INVS: variants seen among roughly 807,000 people sequenced by gnomAD.
INVS encodes the protein inversin.
In INVS, 86 loss-of-function variants were observed where a neutral mutation model predicts 108.8. That is an observed-to-expected ratio of 0.79 (90% CI 0.66 to 0.95). INVS has a LOEUF of 0.95. INVS is among the 40% of genes least tolerant of loss of function. The probability of loss-of-function intolerance (pLI) is 0.00; values close to 1 mark genes in which losing one functional copy is unlikely to be tolerated. For missense variants in INVS, 1,169 were observed against 1,297.4 expected (o/e 0.90, Z 1.52); for synonymous variants, 455 against 473.5 (o/e 0.96, Z 0.51).
In INVS at chr9:100,136,240, T is replaced by C. The variant is rs1024660580; in HGVS notation, c.273+9691T>C. On this transcript the variant is annotated intron_variant, in intron 3 of 16. Coordinates refer to ENST00000262457, the MANE Select transcript of INVS (RefSeq NM_014425.5). ...GGAGACAGTACGAGTGATTGATTAA[T>C]GGGGTTATTGATCAGGAAAAGTATG... 1.2e-4 allele frequency among the ~76,000 whole-genome samples: 18 copies of C among 152,196 alleles called. 1 individual carries two copies. The highest frequency in any genetic ancestry group is 9.8e-4 in the Admixed American group (15 of 15,274).
intron 2 of INVS, among the ~76,000 whole-genome samples, chr9:100,118,603 G>A (rs1827626067): frequency 1.3e-5 from 2 of 152,052 alleles, no homozygotes; most frequent in Admixed American, 1.3e-4. Context: ...AAAGCTTTGG[G>A]TTTATTTTTG....
chr9:100,156,783 G>C (rs1370953152), intron 3 of INVS, among the ~76,000 whole-genome samples: 1 of 151,288 alleles, frequency 6.6e-6, no homozygotes, highest in African/African-American at 2.4e-5. Flanking sequence ...TCTAATATAT[G>C]CTCTTGTGCT....
chr9:100,225,209 C>T (rs772064383), intron 3 of INVS, among the ~76,000 whole-genome samples: 5 of 151,944 alleles, frequency 3.3e-5, no homozygotes, highest in Admixed American at 2.6e-4. Context: ...AGGCGCCCAC[C>T]ACCACGCCCG....
At chr9:100,129,702 G>A (rs1197373384) in intron 3 of INVS, 3 of 713,232 alleles carry the variant, frequency 4.2e-6, no homozygotes, top group Non-Finnish European at 7.8e-6. Context: ...GCACAGGCAG[G>A]ATCTAAGAGA....
chr9:100,105,850 C>CTTTTTTTTTTTTTTTTTTTT (rs543070811), intron 2 of INVS, among the ~76,000 whole-genome samples: 6 of 63,800 alleles, frequency 9.4e-5, no homozygotes, highest in East Asian at 7.5e-4. Flanking sequence ...GAAAAATTCC[C>CTTTTTTTTTTTTTTTTTTTT]TTTTTTTTTT....
intron 3 of INVS, among the ~76,000 whole-genome samples, chr9:100,137,537 A>G (rs1475672088): frequency 6.8e-6 from 1 of 147,850 alleles, no homozygotes; most frequent in Admixed American, 6.6e-5. Context: ...TATTCGAGTC[A>G]TAATTCAAAG....
chr9:100,153,910 G>A (rs1023276304), intron 3 of INVS, among the ~76,000 whole-genome samples: 5 of 152,160 alleles, frequency 3.3e-5, no homozygotes, highest in Middle Eastern at 3.2e-3. Context: ...ATCCCACCTC[G>A]ATACTGTCAT....
At chr9:100,143,446 TG>T (rs1037679971) in intron 3 of INVS, among the ~76,000 whole-genome samples, 2 of 152,046 alleles carry the variant, frequency 1.3e-5, no homozygotes, top group African/African-American at 4.8e-5. Context: ...ATATTGACAT[TG>T]AGCAGGGTAA....
chr9:100,100,995 TATATA>T (rs1826960703), intron 1 of INVS, among the ~76,000 whole-genome samples: 2 of 85,984 alleles, frequency 2.3e-5, no homozygotes, highest in African/African-American at 1.2e-4. Context: ...TATATATGTA[TATATA>T]ATATATATAT....
intron 3 of INVS, among the ~76,000 whole-genome samples, chr9:100,172,339 G>A (rs775096810): frequency 2.0e-5 from 3 of 152,128 alleles, no homozygotes; most frequent in Non-Finnish European, 2.9e-5. Flanking sequence ...CAAAATAGGT[G>A]CTAAATAAAT....
chr9:100,144,932 T>C (rs1828552987), intron 3 of INVS, among the ~76,000 whole-genome samples: 1 of 152,156 alleles, frequency 6.6e-6, no homozygotes, highest in Non-Finnish European at 1.5e-5. Flanking sequence ...GAAGAATGCC[T>C]GGACGTCAGG....
In INVS at chr9:100,246,665, A is replaced by T. The variant is rs1832058136; in HGVS notation, c.956A>T (p.Asp319Val). 6.2e-7 allele frequency: 1 copy of T among 1,613,800 alleles called. No individual in the cohort carries two copies. The highest frequency in any genetic ancestry group is 1.3e-5 in the African/African-American group (1 of 74,918). Residue 319 changes from aspartate to valine, a missense_variant, in exon 8 of 17, where the codon GAC becomes GTC. This residue lies in a region of INVS where 365 missense variants were observed against 397.5 expected (regional missense o/e 0.92). Coordinates refer to ENST00000262457, the MANE Select transcript of INVS (RefSeq NM_014425.5). The part of the protein sequence containing the change: ...LKHPSVKDDS[D>V]LEGRTSFMWA... ...CATCCTTCAGTGAAAGATGATTCAG[A>T]CCTGGAAGGAAGAACATCCTTTATG...
At chr9:100,174,132 A>G (rs1829633466) in intron 3 of INVS, among the ~76,000 whole-genome samples, 1 of 152,358 alleles carries the variant, frequency 6.6e-6, no homozygotes. Flanking sequence ...ATGGAGAACA[A>G]CTATCTTTGT....
At chr9:100,191,952 G>T (rs1022938073) in intron 3 of INVS, among the ~76,000 whole-genome samples, 1 of 152,104 alleles carries the variant, frequency 6.6e-6, no homozygotes, top group African/African-American at 2.4e-5. Context: ...AAGACTCTGA[G>T]TTCCTTGGTT....
chr9:100,116,954 C>G, intron 2 of INVS: 17 of 1,552,500 alleles, frequency 1.1e-5, no homozygotes, highest in Non-Finnish European at 1.5e-5. Flanking sequence ...ATTGCAGCCC[C>G]GGGCTGAGGT....
chr9:100,275,679 G>A (rs569205524), intron 12 of INVS, among the ~76,000 whole-genome samples: 8 of 152,320 alleles, frequency 5.3e-5, no homozygotes, highest in Admixed American at 2.6e-4. Flanking sequence ...TAGGATGGCA[G>A]AAATCATTTT....
chr9:100,234,766 AG>A (rs1389615118), intron 5 of INVS, among the ~76,000 whole-genome samples: 1 of 152,146 alleles, frequency 6.6e-6, no homozygotes, highest in African/African-American at 2.4e-5. Context: ...ACATTTGCTG[AG>A]GAGGTTTTAC....
intron 3 of INVS, among the ~76,000 whole-genome samples, chr9:100,191,407 G>A (rs1253395760): frequency 6.6e-6 from 1 of 152,136 alleles, no homozygotes; most frequent in Non-Finnish European, 1.5e-5. Context: ...TTGTCTGATT[G>A]GGTTAATTCA....
chr9:100,294,707 G>A lies in INVS; in HGVS notation c.2786+1664G>A, dbSNP rs115847046. On this transcript the variant is annotated intron_variant, in intron 14 of 16. Transcript: ENST00000262457. ...GGTCAAGCTAAGGGAGGTGGAGGTG[G>A]GCCCCATGCACTTTGCCTGAAAATA... Among the ~76,000 whole-genome samples, 569 of 152,214 alleles carry A rather than the reference G, an allele frequency of 3.7e-3. 4 individuals are homozygous for A. The highest frequency in any genetic ancestry group is 0.013 in the African/African-American group (547 of 41,544).
Sources: allele counts gnomAD v4.1 joint callset (sites outside exome capture counted in the v4.1 genomes callset), GRCh38; gene constraint gnomAD v4.1.1; regional missense constraint gnomAD v4.1.1; transcripts MANE v1.5; gene names NCBI Gene and HGNC (gene_info 2026-07-23, HGNC 2026-07-21).